FER: variants seen among roughly 807,000 people sequenced by gnomAD.
FER encodes tyrosine-protein kinase Fer.
A neutral mutation model predicts 111.0 loss-of-function variants in FER; 63 were observed. That is an observed-to-expected ratio of 0.57 (90% CI 0.46 to 0.70). The LOEUF is 0.70. Among genes scored for constraint, FER ranks in the 30% least tolerant of loss-of-function variants. The pLI is 0.00. For missense variants in FER, 914 were observed against 954.0 expected, an observed-to-expected ratio of 0.96 and a Z score of 0.55; for synonymous variants, 327 against 313.9, an observed-to-expected ratio of 1.04 and a Z score of -0.44.
chr5:108,965,209 C>T (rs1759647190), intron 13 of FER, among the ~76,000 whole-genome samples: 1 of 152,050 alleles, frequency 6.6e-6, no homozygotes, highest in Admixed American at 6.5e-5. Flanking sequence ...ATCTCCATGT[C>T]GGTCTTGGAT....
At chr5:109,103,549 A>G (rs930392451) in intron 17 of FER, among the ~76,000 whole-genome samples, 2 of 152,286 alleles carry the variant, frequency 1.3e-5, no homozygotes, top group African/African-American at 2.4e-5. Flanking sequence ...TTCTCTTGCT[A>G]CAAGTTTCTA....
At chr5:109,176,524 A>G (rs191844983) in intron 17 of FER, among the ~76,000 whole-genome samples, 1 of 152,288 alleles carries the variant, frequency 6.6e-6, no homozygotes, top group African/African-American at 2.4e-5. Flanking sequence ...GTTTGTAGAT[A>G]CCAAAAATAT....
At chr5:108,961,052 C>T (rs972199823) in intron 13 of FER, among the ~76,000 whole-genome samples, 18 of 152,146 alleles carry the variant, frequency 1.2e-4, no homozygotes, top group Non-Finnish European at 1.3e-4. Flanking sequence ...TGTACCACTG[C>T]ACTCCAGCCT....
intron 17 of FER, among the ~76,000 whole-genome samples, chr5:109,174,918 C>T (rs1382623843): frequency 2.0e-5 from 3 of 152,168 alleles, no homozygotes; most frequent in African/African-American, 7.2e-5. Flanking sequence ...CTTTCCTCCG[C>T]TTACGGGCTT....
chr5:108,769,509 T>A (rs1242757745), intron 2 of FER, among the ~76,000 whole-genome samples: 2 of 152,206 alleles, frequency 1.3e-5, no homozygotes, highest in Admixed American at 1.3e-4. Flanking sequence ...TCATTTTAAC[T>A]GCTGTGTGAG....
chr5:108,879,145 G>T (rs1170090866), intron 8 of FER, among the ~76,000 whole-genome samples: 1 of 151,836 alleles, frequency 6.6e-6, no homozygotes. Context: ...TCCAGGTAGG[G>T]TCATTTTATG....
chr5:109,030,265 C>T (rs1403114979), intron 13 of FER, among the ~76,000 whole-genome samples: 1 of 152,100 alleles, frequency 6.6e-6, no homozygotes, highest in Admixed American at 6.6e-5. Flanking sequence ...TTTCTGGCAG[C>T]TTTAAAATCC....
chr5:108,839,351 A>C (rs1174205577), intron 5 of FER, among the ~76,000 whole-genome samples: 4 of 152,146 alleles, frequency 2.6e-5, no homozygotes, highest in African/African-American at 9.7e-5. Context: ...TGTCAAATCA[A>C]AAGTTAAAAG....
intron 10 of FER, among the ~76,000 whole-genome samples, chr5:108,928,056 GAA>G (rs1754032756): frequency 6.6e-6 from 1 of 152,180 alleles, no homozygotes; most frequent in African/African-American, 2.4e-5. Context: ...AACCCTAACT[GAA>G]AGAGTAGGTA....
At chr5:109,149,058 C>A (rs1754539344) in intron 17 of FER, among the ~76,000 whole-genome samples, 1 of 151,330 alleles carries the variant, frequency 6.6e-6, no homozygotes, top group Non-Finnish European at 1.5e-5. Context: ...AAATAATAGT[C>A]AAGTCACTTT....
At chr5:109,051,648 G>A in intron 16 of FER, 1 of 1,576,594 alleles carries the variant, frequency 6.3e-7, no homozygotes, top group Middle Eastern at 1.7e-4. Context: ...TTGGTGAGGA[G>A]CAGCCATTGA....
Position 108,871,511 on chromosome 5 carries a change from T to C in FER, c.803+9T>C. ...TTCATAGATGTTCACAGGTATGACA[T>C]GTTTATTCCTCTTTAAGGATTTATG... On this transcript the variant is annotated intron_variant, in intron 7 of 19. Coordinates refer to ENST00000281092, the MANE Select transcript of FER (RefSeq NM_005246.4). 2 of 1,580,344 alleles carry C rather than the reference T, an allele frequency of 1.3e-6. No homozygotes were observed. Among genetic ancestry groups the C allele is most frequent in the Non-Finnish European group, 1.7e-6 (2 of 1,160,684 alleles).
intron 13 of FER, among the ~76,000 whole-genome samples, chr5:109,008,829 G>A (rs1426688707): frequency 6.6e-6 from 1 of 151,942 alleles, no homozygotes; most frequent in Non-Finnish European, 1.5e-5. Context: ...AATTAACCAG[G>A]CATGGTGGCG....
At chr5:108,792,458 C>T (rs1755487604) in intron 2 of FER, among the ~76,000 whole-genome samples, 1 of 152,174 alleles carries the variant, frequency 6.6e-6, no homozygotes, top group Non-Finnish European at 1.5e-5. Context: ...CCTGCCTCAG[C>T]CTCCGAGTAG....
rs570863770 is a variant in FER, at chr5:109,042,650, G to A, written c.1714-2030G>A. On this transcript the variant is annotated intron_variant, in intron 14 of 19. Coordinates refer to ENST00000281092, the MANE Select transcript of FER (RefSeq NM_005246.4). Reference sequence around the variant, plus strand: ...AGAAACCATTAGAAAGACACAAAGGGCAATGGGGATAATATGTATTCAGGG... The same window carrying A: ...AGAAACCATTAGAAAGACACAAAGGACAATGGGGATAATATGTATTCAGGG... Among the ~76,000 whole-genome samples the A allele has an allele frequency of 2.3e-4, 35 of 152,224 alleles. No individual in the cohort carries two copies. The South Asian group carries it at 6.6e-3, about 29-fold the overall frequency.
chr5:108,963,276 G>A (rs1020053959), intron 13 of FER, among the ~76,000 whole-genome samples: 1 of 152,070 alleles, frequency 6.6e-6, no homozygotes, highest in Admixed American at 6.6e-5. Flanking sequence ...ATTAAATGTA[G>A]ATTAGGCCAA....
intron 5 of FER, among the ~76,000 whole-genome samples, chr5:108,845,827 G>A (rs973419848): frequency 5.9e-5 from 9 of 152,200 alleles, no homozygotes; most frequent in African/African-American, 1.9e-4. Flanking sequence ...AATGGATGTT[G>A]GATCTTGTCA....
chr5:108,944,876 T>G (rs1756770017), intron 10 of FER, among the ~76,000 whole-genome samples: 1 of 128,222 alleles, frequency 7.8e-6, no homozygotes, highest in African/African-American at 2.9e-5. Flanking sequence ...AATTGTATCC[T>G]GTCTAACACA....
intron 17 of FER, among the ~76,000 whole-genome samples, chr5:109,172,881 A>T (rs1185158457): frequency 6.6e-6 from 1 of 152,206 alleles, no homozygotes; most frequent in Non-Finnish European, 1.5e-5. Flanking sequence ...ATATCTGACT[A>T]TACAAATTTA....
Sources: gnomAD v4.1 joint callset for allele counts (sites outside exome capture counted in the v4.1 genomes callset) on GRCh38, gnomAD v4.1.1 for gene constraint, MANE v1.5 for transcripts, NCBI Gene and HGNC (gene_info 2026-07-23, HGNC 2026-07-21) for gene names.